Variants in FREM1 observed in about 807,000 individuals in gnomAD.
FREM1 encodes FRAS1-related extracellular matrix protein 1.
FREM1 carries 220 observed loss-of-function variants against 210.1 expected under a neutral mutation model. The ratio of observed to expected loss-of-function variants is 1.05; its 90% CI spans 0.94 to 1.17. FREM1 has a LOEUF of 1.17. FREM1 is among the 50% of genes most tolerant of loss of function. The pLI, the probability that FREM1 is intolerant of heterozygous loss-of-function variation, is 0.00. For synonymous variants in FREM1, 1,189 were observed against 980.2 expected, an observed-to-expected ratio of 1.21 and a Z score of -3.98; for missense variants, 3,454 against 2,675.5, an observed-to-expected ratio of 1.29 and a Z score of -6.42.
intron 16 of FREM1, among the ~76,000 whole-genome samples, chr9:14,810,689 T>A (rs1023163207): frequency 6.6e-6 from 1 of 152,192 alleles, no homozygotes; most frequent in South Asian, 2.1e-4. Flanking sequence ...TTCTAACATT[T>A]AATATATATT....
At chr9:14,877,586 T>C (rs1182377704) in intron 1 of FREM1, among the ~76,000 whole-genome samples, 1 of 152,002 alleles carries the variant, frequency 6.6e-6, no homozygotes, top group Non-Finnish European at 1.5e-5. Flanking sequence ...GTCACTCCTA[T>C]GATTACATTT....
At chr9:14,826,085 A>T (rs925001854) in intron 10 of FREM1, among the ~76,000 whole-genome samples, 6 of 141,338 alleles carry the variant, frequency 4.2e-5, no homozygotes, top group Non-Finnish European at 7.6e-5. Flanking sequence ...TTCAATATAC[A>T]CTCTTTCTCA....
chr9:14,772,918 A>G (rs1326769598), intron 25 of FREM1, among the ~76,000 whole-genome samples: 1 of 152,228 alleles, frequency 6.6e-6, no homozygotes, highest in East Asian at 1.9e-4. Context: ...GTGTTACAAA[A>G]GTAATAAATG....
chr9:14,838,007 C>T (rs1588278800), intron 10 of FREM1, among the ~76,000 whole-genome samples: 1 of 152,104 alleles, frequency 6.6e-6, no homozygotes, highest in South Asian at 2.1e-4. Flanking sequence ...GAGAAAAAAA[C>T]CTGAGCCCCA....
intron 7 of FREM1, among the ~76,000 whole-genome samples, chr9:14,846,855 T>C (rs946992669): frequency 6.6e-6 from 1 of 152,216 alleles, no homozygotes; most frequent in Non-Finnish European, 1.5e-5. Context: ...CTGACTGTTC[T>C]CTAGCTGCAG....
In FREM1 at chr9:14,910,327, GCTGGTT is replaced by G. The variant is rs2132824487; in HGVS notation, c.-687_-682del. On this transcript the variant is annotated 5_prime_UTR_variant, in exon 1 of 37. Transcript: ENST00000380880. ...AGCCACCGCTAGCCCCGTGCCTTCT[GCTGGTT>G]GGGTCCGCAGGGACAAAACTGAGCT... 1.3e-5 allele frequency: 2 copies of G among 152,408 alleles called. No individual in the cohort carries two copies. Among genetic ancestry groups the G allele is most frequent in the East Asian group, 3.9e-4 (2 of 5,184 alleles). The allele number at this position is 152,408 out of a possible 1,614,324, so 9.4% of individuals were successfully genotyped here. A position where few individuals can be genotyped will look rare whatever the true frequency, so the allele number is the denominator to read the frequency against.
chr9:14,831,923 A>C (rs536140233), intron 10 of FREM1, among the ~76,000 whole-genome samples: 1 of 152,228 alleles, frequency 6.6e-6, no homozygotes, highest in African/African-American at 2.4e-5. Flanking sequence ...AGCGACGGAC[A>C]GAGAATAGCT....
intron 1 of FREM1, among the ~76,000 whole-genome samples, chr9:14,907,171 C>T (rs1312314299): frequency 6.6e-6 from 1 of 152,048 alleles, no homozygotes; most frequent in Admixed American, 6.6e-5. Flanking sequence ...AATAGTTTTC[C>T]ACTCAAACAT....
At chr9:14,902,398 G>A (rs1013280795) in intron 1 of FREM1, among the ~76,000 whole-genome samples, 1 of 152,156 alleles carries the variant, frequency 6.6e-6, no homozygotes. Context: ...GGATATGCAA[G>A]GACCCCAGAG....
At position 14,759,873 on chromosome 9, in the gene FREM1, A is replaced by C. The variant is rs1563853537; in HGVS notation, c.5233T>G (p.Trp1745Gly). ...ILELKWSHIE[W>G]SQTEYEVCEN... ...CAGACTTCATATTCGGTCTGTGACCATTCAATATGAGACCACTTCAGTTCC... is the reference window on the plus strand; with the variant it reads ...CAGACTTCATATTCGGTCTGTGACCCTTCAATATGAGACCACTTCAGTTCC... The change falls in exon 28 of 37, where the codon TGG becomes GGG. Residue 1745 changes from tryptophan to glycine, a missense_variant. Trp to Gly is a radical substitution (Grantham distance 184). Coordinates refer to ENST00000380880, the MANE Select transcript of FREM1 (RefSeq NM_001379081.2). The C allele has an allele frequency of 6.2e-7, 1 of 1,611,722 alleles. No homozygotes were observed. Among genetic ancestry groups the C allele is most frequent in the Non-Finnish European group, 8.5e-7 (1 of 1,178,682 alleles).
intron 1 of FREM1, among the ~76,000 whole-genome samples, chr9:14,882,672 G>C (rs1835000760): frequency 1.3e-5 from 2 of 151,126 alleles, no homozygotes; most frequent in Admixed American, 6.6e-5. Flanking sequence ...TGGCCAGGCT[G>C]GTCTCAAACT....
intron 3 of FREM1, among the ~76,000 whole-genome samples, chr9:14,861,022 CATATAT>C (rs1265541501): frequency 3.5e-5 from 3 of 86,574 alleles, no homozygotes; most frequent in African/African-American, 1.9e-4. Flanking sequence ...CATATATACA[CATATAT>C]ACATATATAC....
intron 24 of FREM1, chr9:14,782,423 T>A: frequency 1.2e-6 from 1 of 826,782 alleles, no homozygotes; most frequent in Non-Finnish European, 1.5e-6. Flanking sequence ...TCCAGCAAGG[T>A]CACTGGTTTC....
Position 14,851,353 on chromosome 9 carries a change from T to C in FREM1, c.1083A>G (p.Lys361=). Residue 361 remains lysine, a synonymous_variant, in exon 6 of 37, where the codon AAA becomes AAG. Transcript: ENST00000380880. The part of the protein sequence containing the change: ...HTRPISSFTW[K]DLSDMQIAYQ... The stretch of plus-strand genomic sequence containing the variant: ...AGGCGATCTGCATGTCACTGAGATC[T>C]TTCCAGGTGAATGAGGAGATTGGTC... 1 of 1,613,182 alleles carries C rather than the reference T, an allele frequency of 6.2e-7. No individual in the cohort carries two copies.
In FREM1 at chr9:14,902,380, G is replaced by C. The variant is rs1442309225; in HGVS notation, c.-268+7534C>G. The stretch of plus-strand genomic sequence containing the variant: ...TCTTAACATAGAAAAAAACTAAAGT[G>C]GGGGAAGGGATATGCAAGGACCCCA... On this transcript the variant is annotated intron_variant, in intron 1 of 36. Transcript: ENST00000380880. Among the ~76,000 whole-genome samples the C allele has an allele frequency of 3.3e-5, 5 of 152,138 alleles. No individual in the cohort carries two copies. In the East Asian group the frequency reaches 7.7e-4, roughly 23 times the overall value.
intron 20 of FREM1, among the ~76,000 whole-genome samples, chr9:14,799,021 G>A (rs1178062920): frequency 6.6e-6 from 1 of 151,484 alleles, no homozygotes; most frequent in East Asian, 2.0e-4. Context: ...ACCTACTCCT[G>A]TAATACCAGC....
intron 13 of FREM1, among the ~76,000 whole-genome samples, chr9:14,820,045 A>G (rs1303671082): frequency 6.6e-6 from 1 of 152,220 alleles, no homozygotes; most frequent in Non-Finnish European, 1.5e-5. Context: ...AATTTGCTAT[A>G]ATAGAAAAAC....
chr9:14,835,949 A>G (rs1421923775), intron 10 of FREM1, among the ~76,000 whole-genome samples: 1 of 152,202 alleles, frequency 6.6e-6, no homozygotes, highest in East Asian at 1.9e-4. Flanking sequence ...CTGTGAATCA[A>G]CTGGTGATCT....
chr9:14,873,531 T>C (rs1588515441), intron 1 of FREM1, among the ~76,000 whole-genome samples: 1 of 149,868 alleles, frequency 6.7e-6, no homozygotes, highest in African/African-American at 2.5e-5. Flanking sequence ...AATATCATTT[T>C]TTATTGCATA....
Sources: gnomAD v4.1 joint callset for allele counts (sites outside exome capture counted in the v4.1 genomes callset) on GRCh38, gnomAD v4.1.1 for gene constraint, MANE v1.5 for transcripts, NCBI Gene and HGNC (gene_info 2026-07-23, HGNC 2026-07-21) for gene names.